Variants in VPS53 observed in about 807,000 individuals in gnomAD.
VPS53 encodes the protein VPS53 subunit of GARP complex.
A neutral mutation model predicts 107.0 loss-of-function variants in VPS53; 70 were observed. The observed-to-expected ratio is 0.65, with a 90% CI of 0.54 to 0.80. The LOEUF is 0.80. VPS53 is among the 30% of genes least tolerant of loss of function. VPS53 has a pLI of 0.00. For missense variants in VPS53, 917 were observed against 1,049.4 expected (o/e 0.87, Z 1.74); for synonymous variants, 409 against 393.3 (o/e 1.04, Z -0.47).
At chr17:662,432 G>A (rs914325174) in intron 4 of VPS53, among the ~76,000 whole-genome samples, 1 of 152,234 alleles carries the variant, frequency 6.6e-6, no homozygotes, top group Non-Finnish European at 1.5e-5. Flanking sequence ...GCTCACGCCT[G>A]TAATCCCAGC....
chr17:683,015 G>C (rs188778749), intron 4 of VPS53, among the ~76,000 whole-genome samples: 1 of 152,286 alleles, frequency 6.6e-6, no homozygotes, highest in East Asian at 1.9e-4. Flanking sequence ...CATGGTGTCA[G>C]AGCTGAAGAA....
rs544344782 is a variant in VPS53 at position 643,118 on chromosome 17, C to T, written c.608+10173G>A. Among the ~76,000 whole-genome samples, 519 of 124,454 alleles carry T rather than the reference C, an allele frequency of 4.2e-3. 1 individual carries two copies. Among genetic ancestry groups the T allele is most frequent in the African/African-American group, 0.013 (484 of 36,228 alleles). The allele number at this position is 124,454 out of a possible 152,430, so 81.6% of individuals were successfully genotyped here. A position where few individuals can be genotyped will look rare whatever the true frequency, so the allele number is the denominator to read the frequency against. ...ATACTTGGAAACCGAGGACAACACT[C>T]ACACTTGGAAAGCGAGGACAACACT... On this transcript the variant is annotated intron_variant, in intron 7 of 21. Coordinates refer to ENST00000437048, the MANE Select transcript of VPS53 (RefSeq NM_001128159.3).
intron 13 of VPS53, among the ~76,000 whole-genome samples, chr17:574,046 A>C (rs1009203354): frequency 1.3e-5 from 2 of 152,126 alleles, no homozygotes; most frequent in Admixed American, 1.3e-4. Flanking sequence ...AAAAGGATCT[A>C]TGACTTTAAA....
chr17:617,758 C>T (rs1311860802), intron 11 of VPS53, among the ~76,000 whole-genome samples: 2 of 148,934 alleles, frequency 1.3e-5, no homozygotes, highest in African/African-American at 2.5e-5. Context: ...TGCGCCACCA[C>T]GCCCCACTAA....
rs1018218973 is a variant in VPS53, at chr17:514,866, T to C, written c.*4262A>G. ...CGGGGGTGGGCAGAGCCCTGGGTAC[T>C]GGCTCTTTGTTCTTCGAGAGAGGAA... On this transcript the variant is annotated 3_prime_UTR_variant, in exon 22 of 22. Transcript: ENST00000437048. 4 of 152,290 alleles carry C rather than the reference T, an allele frequency of 2.6e-5. No individual in the cohort carries two copies. The highest frequency in any genetic ancestry group is 6.5e-5 in the Admixed American group (1 of 15,282). The allele number at this position is 152,290 out of a possible 1,614,324, so 9.4% of individuals were successfully genotyped here.
chr17:710,485 G>A (rs538661892), intron 2 of VPS53, 48 bp downstream of exon 2: 1 of 1,457,440 alleles, frequency 6.9e-7, no homozygotes, highest in South Asian at 1.1e-5. Context: ...TAACACCCAA[G>A]ATGTGCCAAA....
Position 697,438 on chromosome 17 carries a change from C to A in VPS53, c.265G>T (p.Val89Leu), listed in dbSNP as rs781671485. ...IRTVVRGQTNVGQDGRQALEE... is the reference protein window; with the variant it reads ...IRTVVRGQTNLGQDGRQALEE... ...CTTACTTGCCGTCCATCCTGCCCCACGTTCGTCTGACCTCTTACAACAGTT... is the reference window on the plus strand; with the variant it reads ...CTTACTTGCCGTCCATCCTGCCCCAAGTTCGTCTGACCTCTTACAACAGTT... Residue 89 changes from valine (V) to leucine (L), a missense_variant, in exon 4 of 22, where the codon GTG becomes TTG. Physicochemically the swap from Val to Leu is conservative, Grantham distance 32 (BLOSUM62 1). Coordinates refer to ENST00000437048, the MANE Select transcript of VPS53 (RefSeq NM_001128159.3). 1 of 1,614,118 alleles carries A rather than the reference C, an allele frequency of 6.2e-7. No individual in the cohort carries two copies. Among genetic ancestry groups the A allele is most frequent in the Admixed American group, 1.7e-5 (1 of 60,016 alleles).
At position 653,457 on chromosome 17, in the gene VPS53, G is replaced by A. The variant is rs202166084; in HGVS notation, c.489-47C>T. ...AAAAGTCTAGAAAAACACTAAAGACGCAAGATACAGACACAGAACAACCCA... is the reference window on the plus strand; with the variant it reads ...AAAAGTCTAGAAAAACACTAAAGACACAAGATACAGACACAGAACAACCCA... On this transcript the variant is annotated intron_variant, in intron 6 of 21. Coordinates refer to ENST00000437048, the MANE Select transcript of VPS53 (RefSeq NM_001128159.3). The A allele has an allele frequency of 2.6e-5, 42 of 1,612,570 alleles. No homozygotes were observed. In the East Asian group the frequency reaches 7.8e-4, roughly 30 times the overall value.
At chr17:548,947 A>G (rs1911556743) in intron 17 of VPS53, among the ~76,000 whole-genome samples, 1 of 152,184 alleles carries the variant, frequency 6.6e-6, no homozygotes, top group Non-Finnish European at 1.5e-5. Context: ...CCTGGATATG[A>G]ACTCCTCCCT....
intron 4 of VPS53, among the ~76,000 whole-genome samples, chr17:696,085 A>T (rs1309432858): frequency 1.3e-5 from 2 of 152,272 alleles, no homozygotes; most frequent in Non-Finnish European, 1.5e-5. Flanking sequence ...GCTAAAAAAA[A>T]TACAGGAGTC....
At chr17:656,825 T>C in intron 5 of VPS53, 1 of 1,582,814 alleles carries the variant, frequency 6.3e-7, no homozygotes, top group Non-Finnish European at 8.7e-7. Context: ...CGCCAGTCTC[T>C]TGTCTCTCTC....
At chr17:671,059 C>T (rs371957817) in intron 4 of VPS53, among the ~76,000 whole-genome samples, 1 of 152,002 alleles carries the variant, frequency 6.6e-6, no homozygotes, top group Non-Finnish European at 1.5e-5. Context: ...GGTGAAACCC[C>T]GTCTCTTCTA....
chr17:578,129 A>C (rs1421497544), intron 13 of VPS53, among the ~76,000 whole-genome samples: 2 of 151,276 alleles, frequency 1.3e-5, no homozygotes, highest in Non-Finnish European at 2.9e-5. Context: ...AACCTTCCTA[A>C]GCAGGTAATT....
rs184361475 is a variant in VPS53, at chr17:566,685, C to A, written c.1314-3940G>T. Among the ~76,000 whole-genome samples the A allele has an allele frequency of 3.9e-4, 60 of 151,978 alleles. No homozygotes were observed. In the East Asian group the frequency reaches 0.011, roughly 27 times the overall value. On this transcript the variant is annotated intron_variant, in intron 13 of 21. Transcript: ENST00000437048. ...GATTCTAATCTCTAAATTGATAGTG[C>A]CAACCAAATCAGGGACCAGAGCTCT... is the stretch of plus-strand genomic sequence containing the variant.
intron 8 of VPS53, among the ~76,000 whole-genome samples, chr17:629,788 AAAAAC>A (rs922452628): frequency 7.5e-6 from 1 of 134,008 alleles, no homozygotes; most frequent in African/African-American, 2.8e-5. Context: ...AAAGAAAACT[AAAAAC>A]AAAACAAAAA....
intron 11 of VPS53, among the ~76,000 whole-genome samples, chr17:617,560 C>G (rs1021659860): frequency 6.6e-6 from 1 of 152,096 alleles, no homozygotes; most frequent in Non-Finnish European, 1.5e-5. Flanking sequence ...CGCCACCACG[C>G]CCCACTAATA....
intron 7 of VPS53, among the ~76,000 whole-genome samples, chr17:635,651 G>A (rs554693580): frequency 0.012 from 1,843 of 152,184 alleles, 36 homozygotes; most frequent in African/African-American, 0.042. Flanking sequence ...TATTAAATAG[G>A]GAATCCTTTC....
intron 1 of VPS53, among the ~76,000 whole-genome samples, chr17:713,360 T>A (rs1410440781): frequency 6.6e-6 from 1 of 152,066 alleles, no homozygotes; most frequent in Non-Finnish European, 1.5e-5. Flanking sequence ...GTATTAGAAA[T>A]CACTATTTCT....
At position 509,241 on chromosome 17, in the gene VPS53, A is replaced by C. The variant is rs1333026856; in HGVS notation, c.*9887T>G. 6.6e-6 allele frequency: 1 copy of C among 152,488 alleles called. No homozygotes were observed. The highest frequency in any genetic ancestry group is 2.5e-5 in the African/African-American group (1 of 40,676). 9.4% of individuals were successfully genotyped at this position (152,488 alleles called of 1,614,324 possible). A position where few individuals can be genotyped will look rare whatever the true frequency, so the allele number is the denominator to read the frequency against. ...ATCAAATCCTGGCTCACTCGTCACT[A>C]GTCACATATCAAATCCTGGCTGGCT... On this transcript the variant is annotated 3_prime_UTR_variant, in exon 22 of 22. Transcript: ENST00000437048.
Sources: allele counts gnomAD v4.1 joint callset (sites outside exome capture counted in the v4.1 genomes callset), GRCh38; gene constraint gnomAD v4.1.1; transcripts MANE v1.5; gene names NCBI Gene and HGNC (gene_info 2026-07-23, HGNC 2026-07-21).